Variants in BRWD3 observed in about 807,000 individuals in gnomAD.
BRWD3 encodes the protein bromodomain and WD repeat-containing protein 3.
In BRWD3, 10 loss-of-function variants were observed where a neutral mutation model predicts 149.7. The ratio of observed to expected loss-of-function variants is 0.07; its 90% CI spans 0.04 to 0.11. The LOEUF is 0.11. Among genes scored for constraint, BRWD3 ranks in the 10% least tolerant of loss-of-function variants. BRWD3 has a pLI of 1.00. For missense variants in BRWD3, 940 were observed against 1,373.2 expected, an observed-to-expected ratio of 0.68 and a Z score of 4.99; for synonymous variants, 504 against 456.7, an observed-to-expected ratio of 1.10 and a Z score of -1.32.
intron 25 of BRWD3, among the ~76,000 whole-genome samples, chrX:80,699,258 T>C (rs1315665859): frequency 3.6e-5 from 4 of 110,885 alleles, no homozygotes; most frequent in African/African-American, 1.3e-4. Flanking sequence ...TATTCTCTCT[T>C]ATATCCTTCC....
intron 6 of BRWD3, among the ~76,000 whole-genome samples, chrX:80,767,936 G>C (rs112464363): frequency 0.26 from 29,194 of 110,969 alleles, 2,760 homozygotes; most frequent in South Asian, 0.62. Context: ...GACGCATGCA[G>C]AAGCTTCAAT....
intron 40 of BRWD3, among the ~76,000 whole-genome samples, chrX:80,679,927 A>G (rs2072421392): frequency 9.0e-6 from 1 of 111,710 alleles, no homozygotes; most frequent in African/African-American, 3.2e-5. Flanking sequence ...AGGCAATGGC[A>G]TAAGTATGCA....
intron 15 of BRWD3, among the ~76,000 whole-genome samples, chrX:80,724,190 G>A (rs1449263892): frequency 8.9e-6 from 1 of 111,741 alleles, no homozygotes; most frequent in Non-Finnish European, 1.9e-5. Flanking sequence ...GCAAAGTCAA[G>A]ATACTATCTT....
rs1324100851 is a variant in BRWD3, at chrX:80,709,315, T to G, written c.2475+113A>C. On this transcript the variant is annotated intron_variant, in intron 21 of 40. Transcript: ENST00000373275. ...GTATTATTAATGAACAAATCTCTTA[T>G]AAGAATATAATTAAAATAATTTTCT... The G allele has an allele frequency of 7.1e-6, 4 of 565,478 alleles. No homozygotes were observed. In the Admixed American group the frequency reaches 1.6e-4, roughly 22 times the overall value. 46.6% of individuals were successfully genotyped at this position (565,478 alleles called of 1,213,427 possible).
chrX:80,745,435 TTCCACTCATC>T, intron 7 of BRWD3, 124 bp downstream of exon 7: 1 of 521,924 alleles, frequency 1.9e-6, no homozygotes, highest in Non-Finnish European at 3.1e-6. Flanking sequence ...TTTTTTCAAT[TTCCACTCATC>T]TTTTTCTGCA....
chrX:80,700,433 G>GATATATATATATATATATAT (rs748889698), intron 24 of BRWD3, among the ~76,000 whole-genome samples: 4,151 of 55,539 alleles, frequency 0.075, 396 homozygotes, highest in East Asian at 0.21. Flanking sequence ...GAAAATATTT[G>GATATATATATATATATATAT]ATATATATAA....
intron 21 of BRWD3, among the ~76,000 whole-genome samples, chrX:80,708,882 A>G (rs1602332105): frequency 8.9e-6 from 1 of 111,881 alleles, no homozygotes; most frequent in African/African-American, 3.2e-5. Flanking sequence ...ATGCATGATT[A>G]AACCTTCATT....
At chrX:80,758,492 C>T (rs919571369) in intron 6 of BRWD3, among the ~76,000 whole-genome samples, 2 of 111,732 alleles carry the variant, frequency 1.8e-5, no homozygotes, top group Admixed American at 1.9e-4. Flanking sequence ...CCATTCCGAC[C>T]TCTGCCTAAA....
At chrX:80,721,458 C>T (rs1431581280) in intron 17 of BRWD3, among the ~76,000 whole-genome samples, 2 of 110,012 alleles carry the variant, frequency 1.8e-5, no homozygotes, top group Admixed American at 9.7e-5. Context: ...CATAAAAGGA[C>T]GTGCAGCATT....
At chrX:80,689,887 A>C (rs759270846) in intron 32 of BRWD3, 41 bp from the exon 33 acceptor site, 3 of 1,166,946 alleles carry the variant, frequency 2.6e-6, no homozygotes, top group Non-Finnish European at 3.5e-6. Context: ...TAATTTTTAC[A>C]ATTTTTCAAT....
chrX:80,739,282 A>G (rs12556865), intron 8 of BRWD3, among the ~76,000 whole-genome samples: 15,507 of 111,372 alleles, frequency 0.14, 1,390 homozygotes, highest in East Asian at 0.56. Context: ...AAAGCATGGT[A>G]TTGCCATTTG....
rs190192001 is a variant in BRWD3, at chrX:80,779,142, C to T, written c.430+12712G>A. Among the ~76,000 whole-genome samples, 431 of 110,424 alleles carry T rather than the reference C, an allele frequency of 3.9e-3. 2 individuals carry two copies. The highest frequency in any genetic ancestry group is 0.014 in the African/African-American group (418 of 30,349). On this transcript the variant is annotated intron_variant, in intron 6 of 40. Coordinates refer to ENST00000373275, the MANE Select transcript of BRWD3 (RefSeq NM_153252.5). ...CAGCTTGGTCAACATGGTGAAACCC[C>T]ATCTCTACTAAAAATACAAAAAATT...
At position 80,682,530 on chromosome X, in the gene BRWD3, T is replaced by C; in HGVS notation, c.4332A>G (p.Arg1444=). 8.3e-7 allele frequency: 1 copy of C among 1,210,592 alleles called. No homozygotes were observed. The highest frequency in any genetic ancestry group is 1.1e-6 in the Non-Finnish European group (1 of 894,583). ...YKSAIQSQKR[R]RPRYRKRLRS... ...TTAGACGTTTTCTGTACCGTGGCCT[T>C]CTCCTCTTCTGACTCTGGATTGCTG... The change falls in exon 38 of 41, where the codon AGA becomes AGG. Residue 1444 remains arginine (R), a synonymous_variant. Transcript: ENST00000373275.
intron 20 of BRWD3, among the ~76,000 whole-genome samples, chrX:80,713,355 C>A (rs2073020708): frequency 8.9e-6 from 1 of 112,351 alleles, no homozygotes; most frequent in Non-Finnish European, 1.9e-5. Context: ...AAGAAAAATT[C>A]TTCTGCCTTG....
chrX:80,723,177 A>T (rs2073174065), intron 16 of BRWD3, among the ~76,000 whole-genome samples: 1 of 111,363 alleles, frequency 9.0e-6, no homozygotes, highest in Non-Finnish European at 1.9e-5. Context: ...ATATGGTAAA[A>T]CAGGTAAATA....
chrX:80,807,258 C>G (rs2147873555), intron 4 of BRWD3, among the ~76,000 whole-genome samples: 1 of 111,723 alleles, frequency 9.0e-6, no homozygotes, highest in South Asian at 3.7e-4. Context: ...ATTAATAATA[C>G]AGATGGTCGA....
chrX:80,808,365 G>A (rs1341756859), intron 4 of BRWD3, among the ~76,000 whole-genome samples, 174 bp downstream of exon 4: 1 of 109,072 alleles, frequency 9.2e-6, no homozygotes, highest in African/African-American at 3.3e-5. Context: ...GCCAAGGGGA[G>A]GGCAAGGTAC....
chrX:80,776,005 A>T (rs2073996923), intron 6 of BRWD3, among the ~76,000 whole-genome samples: 1 of 112,349 alleles, frequency 8.9e-6, no homozygotes, highest in Non-Finnish European at 1.9e-5. Context: ...GTCAAAAAAT[A>T]GCAGAGGCTC....
chrX:80,694,508 A>G (rs2072654169), intron 27 of BRWD3, among the ~76,000 whole-genome samples: 1 of 109,995 alleles, frequency 9.1e-6, no homozygotes, highest in African/African-American at 3.3e-5. Context: ...AGCTGCGGAC[A>G]CTCAACGCCA....
Sources: allele counts gnomAD v4.1 joint callset (sites outside exome capture counted in the v4.1 genomes callset), GRCh38; gene constraint gnomAD v4.1.1; transcripts MANE v1.5; gene names NCBI Gene and HGNC (gene_info 2026-07-23, HGNC 2026-07-21).